The following HOMER2 variants were observed in gnomAD, a reference collection of about 807,000 sequenced individuals.
HOMER2 encodes the protein homer protein homolog 2.
HOMER2 carries 27 observed loss-of-function variants against 47.0 expected under a neutral mutation model. The observed-to-expected ratio is 0.57, with a 90% CI of 0.42 to 0.79. HOMER2 has a LOEUF of 0.79. Among genes scored for constraint, HOMER2 ranks in the 30% least tolerant of loss-of-function variants. The pLI, the probability that HOMER2 is intolerant of heterozygous loss-of-function variation, is 0.00. For synonymous variants in HOMER2, 161 were observed against 163.8 expected, an observed-to-expected ratio of 0.98 and a Z score of 0.13; for missense variants, 443 against 435.0, an observed-to-expected ratio of 1.02 and a Z score of -0.16.
chr15:82,954,881 C>T (rs369743473), upstream of HOMER2, among the ~76,000 whole-genome samples: 16 of 151,782 alleles, frequency 1.1e-4, no homozygotes, highest in East Asian at 2.6e-3. Context: ...CAGGTTCAAG[C>T]GATTCTCCTG....
chr15:82,972,151 G>A (rs2030015567), intron 1 of HOMER2, among the ~76,000 whole-genome samples: 1 of 152,160 alleles, frequency 6.6e-6, no homozygotes, highest in Non-Finnish European at 1.5e-5. Context: ...GTTTCAGAAT[G>A]TTTCCATTAG....
In HOMER2 at chr15:82,852,039, G is replaced by A. The variant is rs2051411436; in HGVS notation, c.762+103C>T. ...AGCTCTCTCTCCGTGCTGCTATCCA[G>A]GCAGCTGCCAGGGCCAGTCATAGGC... On this transcript the variant is annotated intron_variant, in intron 7 of 8. Transcript: ENST00000450735. 1.7e-5 allele frequency: 12 copies of A among 726,630 alleles called. No homozygotes were observed. In the South Asian group the frequency reaches 2.1e-4, roughly 13 times the overall value. 45.0% of individuals were successfully genotyped at this position (726,630 alleles called of 1,614,324 possible).
chr15:82,902,226 C>A (rs988174178), intron 1 of HOMER2, among the ~76,000 whole-genome samples: 2 of 138,494 alleles, frequency 1.4e-5, no homozygotes, highest in Non-Finnish European at 3.1e-5. Context: ...GAGACCGAGT[C>A]TCTCTCTGTC....
chr15:82,854,945 G>C, intron 5 of HOMER2, 145 bp from the exon 6 acceptor site: 1 of 871,852 alleles, frequency 1.1e-6, no homozygotes, highest in Non-Finnish European at 1.7e-6. Flanking sequence ...AGGTGGGTCT[G>C]GCTACCCTGA....
chr15:82,851,292 A>G, intron 7 of HOMER2, 61 bp from the exon 8 acceptor site: 1 of 1,196,156 alleles, frequency 8.4e-7, no homozygotes, highest in East Asian at 2.5e-5. Context: ...TATTCTTGAA[A>G]ATCACCAATG....
intron 1 of HOMER2, among the ~76,000 whole-genome samples, chr15:82,908,434 C>T: frequency 6.6e-6 from 1 of 152,144 alleles, no homozygotes; most frequent in Admixed American, 6.5e-5. Context: ...AGTGGTTTAT[C>T]TGGTCTTTCA....
chr15:82,877,734 A>C (rs1484732483), intron 2 of HOMER2, among the ~76,000 whole-genome samples: 2 of 152,154 alleles, frequency 1.3e-5, no homozygotes, highest in African/African-American at 4.8e-5. Flanking sequence ...GCCAATGTCC[A>C]TCTGAGTCAG....
intron 1 of HOMER2, among the ~76,000 whole-genome samples, chr15:82,977,414 A>C (rs2030242955): frequency 6.6e-6 from 1 of 152,154 alleles, no homozygotes. Context: ...AACTTTCTTA[A>C]ATGTTTACCT....
In HOMER2 at chr15:82,970,335, C is replaced by A. The variant is rs563374787; in HGVS notation, n.83-11027G>T. ...ATGTTTTGGGGCCTGAGAGAGGTTT[C>A]TTATCGCCAGTGATTTTATCACCAG... On this transcript the variant is annotated intron_variant and non_coding_transcript_variant, in intron 1 of 1. Coordinates refer to the HOMER2 transcript ENST00000500334. Among the ~76,000 whole-genome samples the A allele has an allele frequency of 2.0e-5, 3 of 152,292 alleles. No homozygotes were observed. The East Asian group carries it at 5.8e-4, about 29-fold the overall frequency.
chr15:82,862,180 G>A (rs1265103727), intron 4 of HOMER2, among the ~76,000 whole-genome samples: 6 of 151,818 alleles, frequency 4.0e-5, no homozygotes, highest in African/African-American at 1.5e-4. Flanking sequence ...TGAGATTACA[G>A]GTGTGAGCCG....
At chr15:82,967,924 A>C (rs1019939936) in intron 1 of HOMER2, among the ~76,000 whole-genome samples, 1 of 152,154 alleles carries the variant, frequency 6.6e-6, no homozygotes, top group African/African-American at 2.4e-5. Context: ...CAAAGCAGAG[A>C]TATCTCACTG....
At chr15:82,881,611 T>C (rs2052525058) in intron 2 of HOMER2, among the ~76,000 whole-genome samples, 1 of 152,190 alleles carries the variant, frequency 6.6e-6, no homozygotes, top group Non-Finnish European at 1.5e-5. Context: ...TAACAGAAGG[T>C]GCTCTGTATT....
chr15:82,971,871 G>A (rs2030000936), intron 1 of HOMER2, among the ~76,000 whole-genome samples: 2 of 152,128 alleles, frequency 1.3e-5, no homozygotes, highest in African/African-American at 2.4e-5. Flanking sequence ...ACTACTCAAA[G>A]GTAGATGTCT....
intron 1 of HOMER2, among the ~76,000 whole-genome samples, chr15:82,938,796 G>A (rs2054197296): frequency 6.6e-6 from 1 of 152,144 alleles, no homozygotes; most frequent in Non-Finnish European, 1.5e-5. Context: ...CCCACAGGGA[G>A]TCTCAGTCTC....
chr15:82,959,802 G>A (rs925215521), intron 1 of HOMER2, among the ~76,000 whole-genome samples: 2 of 152,176 alleles, frequency 1.3e-5, no homozygotes, highest in African/African-American at 4.8e-5. Context: ...GGAACTGGTG[G>A]AACAAAAAGG....
intron 3 of HOMER2, among the ~76,000 whole-genome samples, chr15:82,871,632 C>T (rs73446939): frequency 0.021 from 3,218 of 152,282 alleles, 114 homozygotes; most frequent in African/African-American, 0.07. Context: ...GTCTTTGTGA[C>T]GATGGAGGTT....
chr15:82,963,874 A>G (rs891547515), intron 1 of HOMER2, among the ~76,000 whole-genome samples: 2 of 152,172 alleles, frequency 1.3e-5, no homozygotes, highest in Non-Finnish European at 2.9e-5. Context: ...TCCTCCATGC[A>G]GGGCCTCTTA....
chr15:82,905,330 T>C (rs965227813), intron 1 of HOMER2, among the ~76,000 whole-genome samples: 3 of 140,448 alleles, frequency 2.1e-5, no homozygotes, highest in Admixed American at 7.0e-5. Context: ...GTGGGAAAAC[T>C]GGAAAAGGTA....
At chr15:82,841,866 A>G (rs1284087488) in exon 2 of HOMER2, 4 of 152,196 alleles carry the variant, frequency 2.6e-5, no homozygotes, top group Non-Finnish European at 4.4e-5. Flanking sequence ...AGGAAGATCT[A>G]TTGCAAAGAG....
Sources: allele counts gnomAD v4.1 joint callset (sites outside exome capture counted in the v4.1 genomes callset), GRCh38; gene constraint gnomAD v4.1.1; transcripts MANE v1.5; gene names NCBI Gene and HGNC (gene_info 2026-07-23, HGNC 2026-07-21).